Variants in STK33 observed in about 807,000 individuals in gnomAD.
STK33 encodes serine/threonine kinase 33.
A neutral mutation model predicts 58.0 loss-of-function variants in STK33; 52 were observed. That is an observed-to-expected ratio of 0.90 (90% confidence interval 0.72 to 1.13). The LOEUF (loss-of-function observed/expected upper bound fraction) is 1.13, where lower values mean the gene tolerates loss of function less well. STK33 is among the 50% of genes most tolerant of loss of function. The pLI, the probability that STK33 is intolerant of heterozygous loss-of-function variation, is 0.00. For synonymous variants in STK33, 215 were observed against 200.1 expected, an observed-to-expected ratio of 1.07 and a Z score of -0.63; for missense variants, 630 against 604.2, an observed-to-expected ratio of 1.04 and a Z score of -0.45.
chr11:8,557,266 G>A (rs1376273203), intron 1 of STK33, among the ~76,000 whole-genome samples: 1 of 54,760 alleles, frequency 1.8e-5, no homozygotes, highest in Non-Finnish European at 3.4e-5. Context: ...GAAGGGGAGG[G>A]GAGGGGAGGG....
intron 7 of STK33, among the ~76,000 whole-genome samples, chr11:8,462,380 G>C (rs1020987652): frequency 2.1e-5 from 3 of 143,208 alleles, no homozygotes; most frequent in African/African-American, 7.8e-5. Flanking sequence ...GTCTTGTTTT[G>C]ATTTGATTAT....
intron 11 of STK33, among the ~76,000 whole-genome samples, chr11:8,447,367 C>T (rs184292571): frequency 6.6e-6 from 1 of 152,284 alleles, no homozygotes; most frequent in African/African-American, 2.4e-5. Context: ...CTCTCATGAA[C>T]ATCGATGCAA....
rs546455281 is a variant in STK33, at chr11:8,522,548, A to T, written c.-465-41934T>A. 2.6e-5 allele frequency among the ~76,000 whole-genome samples: 4 copies of T among 152,336 alleles called. No homozygotes were observed. In the East Asian group the frequency reaches 5.8e-4, roughly 22 times the overall value. ...CAAAATACTTAAACTCAAGAAATGA[A>T]AGTGTAACATTCCTGGAAGAAAATC... is the stretch of plus-strand genomic sequence containing the variant. On this transcript the variant is annotated intron_variant, in intron 1 of 15. Transcript: ENST00000687296.
chr11:8,362,429 C>T, the STK33 span, among the ~76,000 whole-genome samples: 3 of 152,078 alleles, frequency 2.0e-5, no homozygotes, highest in Non-Finnish European at 2.9e-5. Flanking sequence ...TGCCCACACA[C>T]GGCTCCCCGT....
intron 7 of STK33, among the ~76,000 whole-genome samples, 162 bp downstream of exon 7, chr11:8,464,547 C>G (rs1947937338): frequency 6.6e-6 from 1 of 152,036 alleles, no homozygotes; most frequent in Non-Finnish European, 1.5e-5. Context: ...AAACTAGTCC[C>G]TTTCCGGGAG....
chr11:8,580,558 T>C (rs1215310805), intron 1 of STK33, among the ~76,000 whole-genome samples: 1 of 152,118 alleles, frequency 6.6e-6, no homozygotes, highest in Non-Finnish European at 1.5e-5. Context: ...TAGTATTTGA[T>C]AGCACAACAG....
intron 11 of STK33, 41 bp from the exon 12 acceptor site, chr11:8,440,794 T>A: frequency 6.6e-7 from 1 of 1,520,632 alleles, no homozygotes; most frequent in Non-Finnish European, 8.9e-7. Context: ...AATAATACAA[T>A]AAATGTCTTT....
intron 14 of STK33, among the ~76,000 whole-genome samples, chr11:8,415,349 T>C (rs1027932798): frequency 3.9e-5 from 6 of 152,116 alleles, no homozygotes; most frequent in African/African-American, 1.4e-4. Flanking sequence ...CATGGTAGAG[T>C]TTCACTTCTC....
At chr11:8,367,091 A>C in the STK33 span, among the ~76,000 whole-genome samples, 1 of 152,224 alleles carries the variant, frequency 6.6e-6, no homozygotes, top group Admixed American at 6.5e-5. Flanking sequence ...TTTATGTAAC[A>C]GTTTATGTGT....
the STK33 span, among the ~76,000 whole-genome samples, chr11:8,386,435 T>G: frequency 6.6e-6 from 1 of 152,248 alleles, no homozygotes; most frequent in African/African-American, 2.4e-5. Context: ...TTGTAAAAAT[T>G]TATCCATTTG....
chr11:8,385,623 G>A, the STK33 span, among the ~76,000 whole-genome samples: 1 of 152,180 alleles, frequency 6.6e-6, no homozygotes, highest in Non-Finnish European at 1.5e-5. Flanking sequence ...GCCATCATCT[G>A]TCTCTGTGCC....
At chr11:8,585,139 T>C (rs2031279047) in intron 1 of STK33, among the ~76,000 whole-genome samples, 1 of 151,590 alleles carries the variant, frequency 6.6e-6, no homozygotes, top group South Asian at 2.1e-4. Flanking sequence ...GCCAGGCTGG[T>C]CTCAAACTCC....
the STK33 span, among the ~76,000 whole-genome samples, chr11:8,337,117 T>C: frequency 6.6e-6 from 1 of 152,250 alleles, no homozygotes; most frequent in Non-Finnish European, 1.5e-5. Flanking sequence ...CGGGCTTGTC[T>C]TCTAAGAAGG....
the STK33 span, among the ~76,000 whole-genome samples, chr11:8,348,197 G>T: frequency 6.6e-6 from 1 of 152,174 alleles, no homozygotes; most frequent in African/African-American, 2.4e-5. Context: ...CTGCAAGGGG[G>T]AACTTCCCCT....
intron 1 of STK33, among the ~76,000 whole-genome samples, chr11:8,496,691 CA>C (rs1951082777): frequency 6.6e-6 from 1 of 151,866 alleles, no homozygotes. Flanking sequence ...TCTCCTGCCT[CA>C]GCCTCCCGAG....
At chr11:8,482,953 G>A (rs57313949) in intron 1 of STK33, among the ~76,000 whole-genome samples, 2 of 151,586 alleles carry the variant, frequency 1.3e-5, no homozygotes, top group Non-Finnish European at 1.5e-5. Context: ...GGATGGTTTC[G>A]ATCTCCTGAC....
intron 1 of STK33, among the ~76,000 whole-genome samples, chr11:8,541,288 T>A (rs974274167): frequency 6.6e-6 from 1 of 152,244 alleles, no homozygotes; most frequent in Non-Finnish European, 1.5e-5. Context: ...AGAGGTTTTT[T>A]AAAAAATAGT....
intron 12 of STK33, among the ~76,000 whole-genome samples, chr11:8,437,677 C>A (rs1944247835): frequency 6.6e-6 from 1 of 152,072 alleles, no homozygotes; most frequent in Non-Finnish European, 1.5e-5. Flanking sequence ...AAATCTAACT[C>A]ATGAACATTT....
At chr11:8,566,820 T>A (rs894770154) in intron 1 of STK33, among the ~76,000 whole-genome samples, 4 of 152,198 alleles carry the variant, frequency 2.6e-5, no homozygotes, top group African/African-American at 7.2e-5. Flanking sequence ...AATTACTGAG[T>A]GAGCTTCTCA....
Sources: allele counts gnomAD v4.1 joint callset (sites outside exome capture counted in the v4.1 genomes callset), GRCh38; gene constraint gnomAD v4.1.1; transcripts MANE v1.5; gene names NCBI Gene and HGNC (gene_info 2026-07-23, HGNC 2026-07-21).